The following ERC2 variants were observed in gnomAD, a reference collection of about 807,000 sequenced individuals.
ERC2 encodes the protein ELKS/RAB6-interacting/CAST family member 2, also known as ERC protein 2.
A neutral mutation model predicts 114.8 loss-of-function variants in ERC2; 42 were observed. That is an observed-to-expected ratio of 0.37 (90% CI 0.29 to 0.47). The LOEUF (loss-of-function observed/expected upper bound fraction) is 0.47. Among genes scored for constraint, ERC2 ranks in the 20% least tolerant of loss-of-function variants. The pLI is 0.99. For missense variants in ERC2, 939 were observed against 1,150.7 expected, an observed-to-expected ratio of 0.82 and a Z score of 2.66; for synonymous variants, 454 against 425.5, an observed-to-expected ratio of 1.07 and a Z score of -0.82.
At chr3:56,281,180 G>A (rs2054314348) in intron 3 of ERC2, among the ~76,000 whole-genome samples, 1 of 152,104 alleles carries the variant, frequency 6.6e-6, no homozygotes, top group African/African-American at 2.4e-5. Flanking sequence ...GCTCACGCCT[G>A]TAATCCCAGC....
rs1281145390 is a variant in ERC2, at chr3:56,227,271, G to T, written c.1075-53751C>A. On this transcript the variant is annotated intron_variant, in intron 3 of 17. Transcript: ENST00000288221. Reference sequence around the variant, plus strand: ...AAATGTAATTGGTGAACAGGGGAATGAATTCACTATAATGTGGAAGTTGCA... The same window carrying T: ...AAATGTAATTGGTGAACAGGGGAATTAATTCACTATAATGTGGAAGTTGCA... Among the ~76,000 whole-genome samples the T allele has an allele frequency of 2.0e-5, 3 of 152,222 alleles. No individual in the cohort carries two copies. In the East Asian group the frequency reaches 5.8e-4, roughly 29 times the overall value.
At chr3:55,826,700 C>T (rs2060339765) in intron 14 of ERC2, among the ~76,000 whole-genome samples, 1 of 152,210 alleles carries the variant, frequency 6.6e-6, no homozygotes, top group Admixed American at 6.5e-5. Context: ...GTCTAAATTC[C>T]TGATTTCCAC....
chr3:55,714,661 GTGTGTGTATATATA>G (rs1438722410), intron 15 of ERC2, among the ~76,000 whole-genome samples: 2 of 71,742 alleles, frequency 2.8e-5, no homozygotes, highest in African/African-American at 1.2e-4. Flanking sequence ...GTGTGTGTGT[GTGTGTGTATATATA>G]TATATATATA....
At chr3:55,835,798 A>G (rs1559736630) in intron 14 of ERC2, among the ~76,000 whole-genome samples, 1 of 152,052 alleles carries the variant, frequency 6.6e-6, no homozygotes, top group Non-Finnish European at 1.5e-5. Context: ...AATTAGGAAA[A>G]GAGGAAGTCA....
intron 14 of ERC2, among the ~76,000 whole-genome samples, chr3:55,887,122 G>T (rs1306735113): frequency 6.6e-6 from 1 of 152,182 alleles, no homozygotes; most frequent in Non-Finnish European, 1.5e-5. Flanking sequence ...TAGAAAACTG[G>T]TTTTGTCATG....
chr3:55,968,356 A>G (rs2068906487), intron 12 of ERC2, among the ~76,000 whole-genome samples: 1 of 152,220 alleles, frequency 6.6e-6, no homozygotes, highest in African/African-American at 2.4e-5. Flanking sequence ...CTCACCGAAC[A>G]AATTGTTGGG....
At chr3:56,402,499 C>A (rs1265163562) in intron 2 of ERC2, among the ~76,000 whole-genome samples, 1 of 152,088 alleles carries the variant, frequency 6.6e-6, no homozygotes. Context: ...GTCCCGCCTC[C>A]TATCTCAAAG....
At chr3:55,914,014 T>C (rs2064956099) in intron 13 of ERC2, among the ~76,000 whole-genome samples, 1 of 108,164 alleles carries the variant, frequency 9.2e-6, no homozygotes, top group Non-Finnish European at 1.9e-5. Context: ...TGCCCCTTTA[T>C]GACAATTTTT....
chr3:55,646,040 G>C (rs1406990452), intron 17 of ERC2, among the ~76,000 whole-genome samples: 1 of 152,196 alleles, frequency 6.6e-6, no homozygotes, highest in Non-Finnish European at 1.5e-5. Flanking sequence ...AGTGGAAAAT[G>C]AGGCCCACAT....
intron 3 of ERC2, among the ~76,000 whole-genome samples, chr3:56,265,989 A>C (rs1330471719): frequency 6.6e-6 from 1 of 151,448 alleles, no homozygotes; most frequent in Non-Finnish European, 1.5e-5. Context: ...AGATCATGCC[A>C]CTGCACTTCA....
At chr3:55,617,704 C>T (rs2059178246) in intron 17 of ERC2, among the ~76,000 whole-genome samples, 2 of 152,232 alleles carry the variant, frequency 1.3e-5, no homozygotes, top group South Asian at 2.1e-4. Flanking sequence ...GCCTACACTT[C>T]AGTGAATTCA....
chr3:55,556,253 A>T (rs2055597099), intron 17 of ERC2, among the ~76,000 whole-genome samples: 1 of 152,168 alleles, frequency 6.6e-6, no homozygotes, highest in Non-Finnish European at 1.5e-5. Context: ...AGGCCTGAGT[A>T]CCCTTTCTCT....
At chr3:56,390,251 TC>T (rs1433007749) in intron 2 of ERC2, among the ~76,000 whole-genome samples, 5 of 152,070 alleles carry the variant, frequency 3.3e-5, no homozygotes, top group African/African-American at 1.2e-4. Context: ...TTCTTAGAAA[TC>T]CCCCCACTGA....
At chr3:55,565,881 T>C (rs2056337129) in intron 17 of ERC2, among the ~76,000 whole-genome samples, 1 of 152,218 alleles carries the variant, frequency 6.6e-6, no homozygotes, top group African/African-American at 2.4e-5. Flanking sequence ...CAATAGCAAC[T>C]GAAAGCAGGG....
intron 7 of ERC2, among the ~76,000 whole-genome samples, chr3:56,079,668 GT>G (rs1172237010): frequency 5.3e-5 from 8 of 152,066 alleles, no homozygotes; most frequent in Admixed American, 5.2e-4. Flanking sequence ...AGGCTCTACG[GT>G]TACCATCCTG....
chr3:55,626,362 G>A (rs959628030), intron 17 of ERC2, among the ~76,000 whole-genome samples: 1 of 152,132 alleles, frequency 6.6e-6, no homozygotes, highest in African/African-American at 2.4e-5. Context: ...TAAGGACCCC[G>A]GATCCTTTAA....
At chr3:56,172,037 T>G (rs1213445966) in intron 4 of ERC2, among the ~76,000 whole-genome samples, 1 of 151,296 alleles carries the variant, frequency 6.6e-6, no homozygotes, top group Non-Finnish European at 1.5e-5. Flanking sequence ...TTCCTCTTTT[T>G]TTTTTTTTAA....
At chr3:56,425,792 T>G (rs1410265052) in intron 2 of ERC2, among the ~76,000 whole-genome samples, 1 of 152,138 alleles carries the variant, frequency 6.6e-6, no homozygotes, top group South Asian at 2.1e-4. Flanking sequence ...TTTCTGATGT[T>G]TTATCAATTG....
At chr3:55,938,048 A>AG (rs2066560095) in intron 13 of ERC2, among the ~76,000 whole-genome samples, 1 of 152,210 alleles carries the variant, frequency 6.6e-6, no homozygotes, top group Admixed American at 6.5e-5. Flanking sequence ...TCTACCAAAA[A>AG]GCCCTACGCC....
Sources: gnomAD v4.1 joint callset for allele counts (sites outside exome capture counted in the v4.1 genomes callset) on GRCh38, gnomAD v4.1.1 for gene constraint, MANE v1.5 for transcripts, NCBI Gene and HGNC (gene_info 2026-07-23, HGNC 2026-07-21) for gene names.